IQCM: variants seen among roughly 807,000 people sequenced by gnomAD.
IQCM encodes the protein IQ domain-containing protein M.
In IQCM, 45 loss-of-function variants were observed where a neutral mutation model predicts 57.6. The observed-to-expected ratio is 0.78, with a 90% CI of 0.62 to 1.00. The LOEUF (loss-of-function observed/expected upper bound fraction) is 1.00, where lower values mean the gene tolerates loss of function less well. IQCM is among the 50% of genes least tolerant of loss of function. The pLI is 0.00. For synonymous variants in IQCM, 148 were observed against 158.9 expected (o/e 0.93, Z 0.51); for missense variants, 468 against 511.6 (o/e 0.91, Z 0.82).
chr4:149,472,871 GA>G (rs1225795990), intron 12 of IQCM, among the ~76,000 whole-genome samples: 1 of 152,082 alleles, frequency 6.6e-6, no homozygotes, highest in Non-Finnish European at 1.5e-5. Context: ...AAGAAATGGA[GA>G]AAGGATTCCC....
At chr4:149,357,519 T>G (rs1005951831) in intron 13 of IQCM, among the ~76,000 whole-genome samples, 1 of 152,214 alleles carries the variant, frequency 6.6e-6, no homozygotes, top group Non-Finnish European at 1.5e-5. Context: ...GTTTTTGTCT[T>G]TGGTTCTGTT....
Position 149,553,305 on chromosome 4 carries a change from C to G in IQCM, c.949-18G>C, listed in dbSNP as rs186423372. Reference sequence around the variant, plus strand: ...TCCAAAGCCTACAAAGACAGAAAAGCTCCTTATATATTTCTGGTATTTATA... The same window carrying G: ...TCCAAAGCCTACAAAGACAGAAAAGGTCCTTATATATTTCTGGTATTTATA... On this transcript the variant is annotated intron_variant, in intron 10 of 13. Coordinates refer to ENST00000636793, the MANE Select transcript of IQCM (RefSeq NM_001363507.2). 2.1e-5 allele frequency: 26 copies of G among 1,230,508 alleles called. No homozygotes were observed. Among genetic ancestry groups the G allele is most frequent in the Middle Eastern group, 6.2e-4 (2 of 3,206 alleles). The allele number at this position is 1,230,508 out of a possible 1,614,324, so 76.2% of individuals were successfully genotyped here.
At chr4:149,487,068 A>C (rs1741598637) in intron 12 of IQCM, among the ~76,000 whole-genome samples, 1 of 152,172 alleles carries the variant, frequency 6.6e-6, no homozygotes, top group Non-Finnish European at 1.5e-5. Context: ...AGCATGTCTC[A>C]GAGTCCAAGG....
At chr4:149,621,696 A>G (rs998823735) in intron 7 of IQCM, among the ~76,000 whole-genome samples, 1 of 152,230 alleles carries the variant, frequency 6.6e-6, no homozygotes. Flanking sequence ...AAATTAAATT[A>G]TTAAAAGTCT....
chr4:149,495,115 T>C (rs1238755027), intron 12 of IQCM, among the ~76,000 whole-genome samples: 2 of 152,124 alleles, frequency 1.3e-5, no homozygotes, highest in Admixed American at 1.3e-4. Context: ...GTGCCATTTA[T>C]AGAAACAGGG....
At position 149,657,009 on chromosome 4, in the gene IQCM, C is replaced by G. The variant is rs79793095; in HGVS notation, c.565+25109G>C. 9.0e-3 allele frequency among the ~76,000 whole-genome samples: 1,369 copies of G among 152,154 alleles called. 9 individuals carry two copies. Among genetic ancestry groups the G allele is most frequent in the Middle Eastern group, 0.037 (11 of 294 alleles). ...AATGCTCTTCAACATTTATGGCATACAAGAACATTCAAAATCCTCTCTTCT... is the reference window on the plus strand; with the variant it reads ...AATGCTCTTCAACATTTATGGCATAGAAGAACATTCAAAATCCTCTCTTCT... On this transcript the variant is annotated intron_variant, in intron 7 of 13. Transcript: ENST00000636793.
intron 12 of IQCM, among the ~76,000 whole-genome samples, chr4:149,528,919 C>G (rs1746455718): frequency 6.6e-6 from 1 of 151,986 alleles, no homozygotes; most frequent in Non-Finnish European, 1.5e-5. Flanking sequence ...TATTTTTATT[C>G]TGCTGCACTA....
At chr4:149,663,948 C>T (rs891362706) in intron 7 of IQCM, among the ~76,000 whole-genome samples, 2 of 152,206 alleles carry the variant, frequency 1.3e-5, no homozygotes, top group Admixed American at 1.3e-4. Flanking sequence ...CCCAGCATCC[C>T]TATAATGCAA....
intron 12 of IQCM, among the ~76,000 whole-genome samples, chr4:149,493,112 C>T (rs950056328): frequency 1.3e-5 from 2 of 152,082 alleles, no homozygotes; most frequent in Non-Finnish European, 2.9e-5. Context: ...CCAGGATCAC[C>T]CATGATCCCC....
intron 2 of IQCM, among the ~76,000 whole-genome samples, chr4:149,810,362 C>CAAAAAAAAAAAAAAA (rs748565416): frequency 1.2e-5 from 1 of 86,238 alleles, no homozygotes; most frequent in Admixed American, 1.1e-4. Context: ...ACACCATCTC[C>CAAAAAAAAAAAAAAA]AAAAAAAAAA....
intron 12 of IQCM, among the ~76,000 whole-genome samples, chr4:149,523,526 T>G (rs1458779492): frequency 6.6e-6 from 1 of 152,134 alleles, no homozygotes. Flanking sequence ...ATTTTGAGAC[T>G]ACATACCCAA....
In IQCM at chr4:149,723,193, C is replaced by T. The variant is rs541933500; in HGVS notation, c.385+10051G>A. ...AAATCTAGGAGTCTTTTGGAGGAGT[C>T]TTTAGGGTTTTCTACATATAAGATC... On this transcript the variant is annotated intron_variant, in intron 5 of 13. Coordinates refer to ENST00000636793, the MANE Select transcript of IQCM (RefSeq NM_001363507.2). 2.6e-5 allele frequency among the ~76,000 whole-genome samples: 4 copies of T among 152,022 alleles called. No individual in the cohort carries two copies. In the East Asian group the frequency reaches 7.7e-4, roughly 29 times the overall value.
chr4:149,542,794 G>T (rs2149880598), intron 12 of IQCM, among the ~76,000 whole-genome samples: 1 of 152,018 alleles, frequency 6.6e-6, no homozygotes, highest in South Asian at 2.1e-4. Context: ...AACTTTTATT[G>T]TGCACTTACA....
At chr4:149,540,037 A>C (rs1047352187) in intron 12 of IQCM, among the ~76,000 whole-genome samples, 1 of 151,988 alleles carries the variant, frequency 6.6e-6, no homozygotes. Context: ...TGGAGATATG[A>C]CCTTTAAAGA....
At chr4:149,593,721 G>A (rs1342054931) in intron 8 of IQCM, among the ~76,000 whole-genome samples, 4 of 152,050 alleles carry the variant, frequency 2.6e-5, no homozygotes, top group African/African-American at 9.7e-5. Context: ...TCATCATGTG[G>A]TTTTTGTCTT....
intron 13 of IQCM, among the ~76,000 whole-genome samples, chr4:149,387,553 G>T (rs991202836): frequency 2.0e-5 from 3 of 151,890 alleles, no homozygotes; most frequent in Non-Finnish European, 2.9e-5. Flanking sequence ...TTCTTTTCAA[G>T]AAAAACTTTC....
At chr4:149,616,800 C>T (rs929931002) in intron 8 of IQCM, among the ~76,000 whole-genome samples, 12 of 151,950 alleles carry the variant, frequency 7.9e-5, no homozygotes, top group Admixed American at 6.6e-4. Flanking sequence ...GGCTTAAAAC[C>T]TATGTTCCAG....
At chr4:149,688,005 G>C (rs1399209275) in intron 5 of IQCM, among the ~76,000 whole-genome samples, 2 of 151,854 alleles carry the variant, frequency 1.3e-5, no homozygotes, top group Non-Finnish European at 2.9e-5. Context: ...ACTGAATAGG[G>C]AAAAGTTGAA....
intron 5 of IQCM, among the ~76,000 whole-genome samples, chr4:149,694,641 G>A (rs1052878418): frequency 6.6e-6 from 1 of 152,056 alleles, no homozygotes; most frequent in African/African-American, 2.4e-5. Flanking sequence ...CTGGAAACTA[G>A]TTTTCTATAA....
Sources: allele counts gnomAD v4.1 joint callset (sites outside exome capture counted in the v4.1 genomes callset), GRCh38; gene constraint gnomAD v4.1.1; transcripts MANE v1.5; gene names NCBI Gene and HGNC (gene_info 2026-07-23, HGNC 2026-07-21).